Variants in PTPRN2 observed in about 807,000 individuals in gnomAD.
The protein encoded by PTPRN2 is receptor-type tyrosine-protein phosphatase N2.
Under a neutral mutation model 118.8 loss-of-function variants are expected in PTPRN2, and 74 were observed. The observed-to-expected ratio is 0.62, with a 90% CI of 0.52 to 0.76. PTPRN2 has a LOEUF of 0.76. Among genes scored for constraint, PTPRN2 ranks in the 30% least tolerant of loss-of-function variants. The pLI, the probability that PTPRN2 is intolerant of heterozygous loss-of-function variation, is 0.00. For synonymous variants in PTPRN2, 641 were observed against 608.0 expected, an observed-to-expected ratio of 1.05 and a Z score of -0.80; for missense variants, 1,481 against 1,394.4, an observed-to-expected ratio of 1.06 and a Z score of -0.99.
intron 2 of PTPRN2, among the ~76,000 whole-genome samples, chr7:158,463,648 CCAT>C (rs1168609099): frequency 6.7e-6 from 1 of 148,454 alleles, no homozygotes; most frequent in African/African-American, 2.5e-5. Flanking sequence ...ATCATCATCA[CCAT>C]CATCGTCATC....
At chr7:157,654,054 C>T (rs1372033043) in intron 14 of PTPRN2, among the ~76,000 whole-genome samples, 3 of 132,750 alleles carry the variant, frequency 2.3e-5, no homozygotes, top group Admixed American at 7.6e-5. Context: ...CCCAACTCCA[C>T]ACGATGCCCG....
chr7:158,439,481 G>GAGAGAAGAAAGGAGGAGAAGGA (rs1816822928), intron 2 of PTPRN2, among the ~76,000 whole-genome samples: 1 of 152,188 alleles, frequency 6.6e-6, no homozygotes, highest in Non-Finnish European at 1.5e-5. Flanking sequence ...AAGTGGGGAA[G>GAGAGAAGAAAGGAGGAGAAGGA]AGAGAAGAAA....
chr7:158,270,792 C>G (rs1798309766), intron 3 of PTPRN2, among the ~76,000 whole-genome samples: 1 of 100,294 alleles, frequency 1.0e-5, no homozygotes. Flanking sequence ...CACCCCTCCA[C>G]CTGGACCACC....
In PTPRN2 at chr7:158,336,380, T is replaced by C. The variant is rs62481661; in HGVS notation, c.164-19448A>G. ...CACTCTCACCATAAGAGCTGACACATGCAGACGTCACTCACACCCACACTC... is the reference window on the plus strand; with the variant it reads ...CACTCTCACCATAAGAGCTGACACACGCAGACGTCACTCACACCCACACTC... On this transcript the variant is annotated intron_variant, in intron 2 of 22. Coordinates refer to ENST00000389418, the MANE Select transcript of PTPRN2 (RefSeq NM_002847.5). 7.7e-3 allele frequency among the ~76,000 whole-genome samples: 329 copies of C among 42,808 alleles called. 2 individuals carry two copies. Among genetic ancestry groups the C allele is most frequent in the African/African-American group, 0.022 (230 of 10,450 alleles). The allele number at this position is 42,808 out of a possible 152,430, so 28.1% of individuals were successfully genotyped here.
chr7:158,471,490 C>T (rs898140157), intron 2 of PTPRN2, among the ~76,000 whole-genome samples: 2 of 152,116 alleles, frequency 1.3e-5, no homozygotes, highest in Non-Finnish European at 2.9e-5. Flanking sequence ...GAGATCGAGA[C>T]CAACCTGGCC....
intron 3 of PTPRN2, among the ~76,000 whole-genome samples, chr7:158,262,374 CACAT>C (rs534743691): frequency 2.3e-3 from 345 of 149,410 alleles, no homozygotes; most frequent in African/African-American, 7.7e-3. Context: ...TCACTGCACA[CACAT>C]ACACACATTC....
chr7:158,221,276 G>A (rs566124900), intron 3 of PTPRN2, among the ~76,000 whole-genome samples: 1 of 151,628 alleles, frequency 6.6e-6, no homozygotes, highest in East Asian at 1.9e-4. Context: ...AGAAGAAAAT[G>A]TAGGACACAC....
At chr7:157,699,520 C>T (rs993024223) in intron 12 of PTPRN2, among the ~76,000 whole-genome samples, 14 of 152,146 alleles carry the variant, frequency 9.2e-5, no homozygotes, top group South Asian at 2.1e-4. Flanking sequence ...TGCCAACCGC[C>T]GACACCCAGG....
chr7:157,682,675 T>C, intron 13 of PTPRN2, 50 bp downstream of exon 13: 1 of 1,528,222 alleles, frequency 6.5e-7, no homozygotes, highest in Non-Finnish European at 9.0e-7. Context: ...ATCATCTGCC[T>C]GTTCAACAGA....
At chr7:157,697,292 C>T (rs1228704777) in intron 12 of PTPRN2, among the ~76,000 whole-genome samples, 1 of 145,576 alleles carries the variant, frequency 6.9e-6, no homozygotes, top group African/African-American at 2.6e-5. Context: ...TCTACCCATG[C>T]ATACTGGGTC....
At chr7:158,081,428 C>A in intron 10 of PTPRN2, 51 bp from the exon 11 acceptor site, 1 of 1,543,782 alleles carries the variant, frequency 6.5e-7, no homozygotes, top group Non-Finnish European at 9.0e-7. Context: ...CGCGCCACAC[C>A]GCTTTTCTGA....
intron 6 of PTPRN2, among the ~76,000 whole-genome samples, chr7:158,165,598 C>T (rs891935572): frequency 5.9e-5 from 9 of 152,378 alleles, no homozygotes; most frequent in Non-Finnish European, 4.4e-5. Flanking sequence ...AGCTGATGCT[C>T]GCTCTCAGCG....
intron 13 of PTPRN2, among the ~76,000 whole-genome samples, chr7:157,667,916 GC>G (rs1796223596): frequency 6.6e-6 from 1 of 152,242 alleles, no homozygotes; most frequent in Admixed American, 6.5e-5. Context: ...GGCACTGCAA[GC>G]GCCCACACCA....
intron 12 of PTPRN2, chr7:157,864,648 T>C (rs113656121): frequency 2.0e-5 from 3 of 152,376 alleles, no homozygotes; most frequent in East Asian, 1.9e-4. Context: ...GTGTGTGGTA[T>C]GCACCTGTGA....
At chr7:158,441,943 G>T (rs1263960616) in intron 2 of PTPRN2, among the ~76,000 whole-genome samples, 1 of 116,150 alleles carries the variant, frequency 8.6e-6, no homozygotes, top group African/African-American at 3.1e-5. Flanking sequence ...TGGCAGTGGT[G>T]GTGGTGATAG....
intron 11 of PTPRN2, among the ~76,000 whole-genome samples, chr7:157,956,604 G>C (rs957200945): frequency 6.6e-6 from 1 of 152,374 alleles, no homozygotes; most frequent in Admixed American, 6.5e-5. Flanking sequence ...AAAAGCAGCT[G>C]GTTCAGAGCT....
rs1307588228 is a variant in PTPRN2, at chr7:157,779,328, G to C, written c.1789-96391C>G. On this transcript the variant is annotated intron_variant, in intron 12 of 22. Transcript: ENST00000389418. The surrounding 1 kb of genome is among the most constrained non-coding windows in gnomAD (Gnocchi z 4.7). ...CTGTTGCTACTCTTGGTGACCTGAG[G>C]TGAAAGGTCACGTGCTGGTCGCTTG... Among the ~76,000 whole-genome samples, 1 of 152,196 alleles carries C rather than the reference G, an allele frequency of 6.6e-6. No individual in the cohort carries two copies. The highest frequency in any genetic ancestry group is 1.5e-5 in the Non-Finnish European group (1 of 68,022).
chr7:158,403,310 T>A (rs758083504), intron 2 of PTPRN2, among the ~76,000 whole-genome samples: 3 of 152,184 alleles, frequency 2.0e-5, no homozygotes, highest in Non-Finnish European at 4.4e-5. Flanking sequence ...CCTGCCGTAC[T>A]GATGTGAAAA....
chr7:158,107,731 A>C (rs1171828940), intron 10 of PTPRN2, among the ~76,000 whole-genome samples: 5 of 152,068 alleles, frequency 3.3e-5, no homozygotes, highest in Non-Finnish European at 5.9e-5. Flanking sequence ...GTGGCCACCC[A>C]CTGCAGTCAC....
Sources: allele counts gnomAD v4.1 joint callset (sites outside exome capture counted in the v4.1 genomes callset), GRCh38; gene constraint gnomAD v4.1.1; non-coding constraint Gnocchi (gnomAD v3.1); transcripts MANE v1.5; gene names NCBI Gene and HGNC (gene_info 2026-07-23, HGNC 2026-07-21).